NFILZ: variants seen among roughly 807,000 people sequenced by gnomAD.
NFILZ encodes NFIL3 like protein.
chr19:8,647,789 G>GCACACACACA (rs1305749598), intron 3 of NFILZ, among the ~76,000 whole-genome samples: 14 of 108,004 alleles, frequency 1.3e-4, no homozygotes, highest in African/African-American at 5.5e-4. Context: ...GCGCGCGCGC[G>GCACACACACA]CGCGCGCACA....
At chr19:8,648,000 G>A (rs1358985343) in intron 3 of NFILZ, among the ~76,000 whole-genome samples, 6 of 151,222 alleles carry the variant, frequency 4.0e-5, no homozygotes. Context: ...GTGAAACCCC[G>A]TCTCTACTAA....
In NFILZ at chr19:8,656,465, A is replaced by AAGCCCACCTTCTCCCGC. The variant is rs797037381; in HGVS notation, c.-163-18054_-163-18038dup. On this transcript the variant is annotated intron_variant, in intron 3 of 5. Coordinates refer to ENST00000691075, the MANE Select transcript of NFILZ (RefSeq NM_001378600.1). ...CTCCTCGAAGCCCACCTTCTCTCTG[A>AAGCCCACCTTCTCCCGC]AGCCCACCTTCTCCCGCAGCCCACC... Among the ~76,000 whole-genome samples the AAGCCCACCTTCTCCCGC allele has an allele frequency of 1.1e-3, 88 of 78,532 alleles. 7 individuals carry two copies. The highest frequency in any genetic ancestry group is 3.9e-3 in the African/African-American group (78 of 20,056). The allele number at this position is 78,532 out of a possible 152,430, so 51.5% of individuals were successfully genotyped here.
At chr19:8,658,839 G>A (rs1434299972) in intron 3 of NFILZ, among the ~76,000 whole-genome samples, 1 of 152,108 alleles carries the variant, frequency 6.6e-6, no homozygotes, top group African/African-American at 2.4e-5. Context: ...ATTTCCAGCT[G>A]TTCAGGAGGC....
intron 3 of NFILZ, among the ~76,000 whole-genome samples, chr19:8,646,937 A>G (rs13346435): frequency 0.017 from 2,585 of 152,236 alleles, 72 homozygotes; most frequent in African/African-American, 0.059. Context: ...AGCTGGCCCC[A>G]GTTCAAATCC....
chr19:8,641,700 T>G (rs540462467), intron 3 of NFILZ, among the ~76,000 whole-genome samples: 24 of 152,330 alleles, frequency 1.6e-4, no homozygotes, highest in East Asian at 3.9e-4. Context: ...CTGAGATGTC[T>G]TCTCTCTGTG....
intron 3 of NFILZ, among the ~76,000 whole-genome samples, chr19:8,640,758 C>T (rs1466600323): frequency 6.6e-6 from 1 of 152,146 alleles, no homozygotes; most frequent in Non-Finnish European, 1.5e-5. Context: ...ACTGCTTTCT[C>T]AGGGTGTGGA....
At chr19:8,652,987 C>CATTT (rs2042972780) in intron 3 of NFILZ, among the ~76,000 whole-genome samples, 1 of 21,386 alleles carries the variant, frequency 4.7e-5, no homozygotes. Context: ...TTCCTTCCTT[C>CATTT]CTTCCTTCCT....
intron 3 of NFILZ, among the ~76,000 whole-genome samples, chr19:8,662,202 CT>C (rs2043034762): frequency 7.4e-6 from 1 of 135,798 alleles, no homozygotes; most frequent in Non-Finnish European, 1.6e-5. Flanking sequence ...AAGACTCTGT[CT>C]TAAAAAAAAA....
At chr19:8,654,592 G>A (rs782369610) in intron 3 of NFILZ, among the ~76,000 whole-genome samples, 2 of 152,064 alleles carry the variant, frequency 1.3e-5, no homozygotes, top group Non-Finnish European at 2.9e-5. Context: ...TCCAGCCTGG[G>A]TGACAGAGAA....
At chr19:8,655,466 A>G (rs2042987902) in intron 3 of NFILZ, among the ~76,000 whole-genome samples, 1 of 152,118 alleles carries the variant, frequency 6.6e-6, no homozygotes, top group South Asian at 2.1e-4. Flanking sequence ...CCCTGGGCAG[A>G]CACCAGGTGC....
At position 8,656,313 on chromosome 19, in the gene NFILZ, CCTCCTCCCTGAAGCCCCCTTCTTCCTGA is replaced by C. The variant is rs1600147336; in HGVS notation, c.-163-18237_-163-18210del. On this transcript the variant is annotated intron_variant, in intron 3 of 5. Coordinates refer to ENST00000691075, the MANE Select transcript of NFILZ (RefSeq NM_001378600.1). ...ACAGCCCACCTCCTCCCGCAGCGCA[CCTCCTCCCTGAAGCCCCCTTCTTCCTGA>C]AGCCCACCTCTTCCCTGAAGCCCAC... Among the ~76,000 whole-genome samples, 660 of 97,716 alleles carry C rather than the reference CCTCCTCCCTGAAGCCCCCTTCTTCCTGA, an allele frequency of 6.8e-3. 57 individuals are homozygous for C. The highest frequency in any genetic ancestry group is 0.018 in the African/African-American group (606 of 33,938). The allele number at this position is 97,716 out of a possible 152,430, so 64.1% of individuals were successfully genotyped here.
At chr19:8,661,101 T>TTCC (rs1283731004) in intron 3 of NFILZ, among the ~76,000 whole-genome samples, 3 of 26,118 alleles carry the variant, frequency 1.1e-4, no homozygotes, top group Admixed American at 4.1e-4. Flanking sequence ...CCTCCCTTCC[T>TTCC]CCTTCCTTCC....
intron 3 of NFILZ, among the ~76,000 whole-genome samples, chr19:8,656,632 C>A (rs1022221735): frequency 9.2e-5 from 14 of 152,238 alleles, no homozygotes; most frequent in African/African-American, 3.4e-4. Flanking sequence ...GCCCTGCTCC[C>A]CACACAGCAC....
At chr19:8,672,445 T>G (rs1340986018) in intron 3 of NFILZ, among the ~76,000 whole-genome samples, 1 of 151,582 alleles carries the variant, frequency 6.6e-6, no homozygotes, top group African/African-American at 2.4e-5. Flanking sequence ...ATGCATTTGT[T>G]AGTTCATTCA....
rs374899386 is a variant in NFILZ, at chr19:8,633,944, T to C, written c.-261+1319T>C. Among the ~76,000 whole-genome samples, 15 of 130,154 alleles carry C rather than the reference T, an allele frequency of 1.2e-4. No homozygotes were observed. In the South Asian group the frequency reaches 3.1e-3, roughly 27 times the overall value. The allele number at this position is 130,154 out of a possible 152,430, so 85.4% of individuals were successfully genotyped here. ...CTTCCTTCCTTCCTTCCTTCCTTCC[T>C]TCCCTCCCTTCTTTCCTTCTCTCTC... On this transcript the variant is annotated intron_variant, in intron 2 of 5. Coordinates refer to ENST00000691075, the MANE Select transcript of NFILZ (RefSeq NM_001378600.1).
chr19:8,678,172 T>C lies in NFILZ; in HGVS notation c.*537T>C, dbSNP rs1251971558. 1.8e-4 allele frequency among the ~76,000 whole-genome samples: 6 copies of C among 32,874 alleles called. No homozygotes were observed. Among genetic ancestry groups the C allele is most frequent in the Non-Finnish European group, 3.2e-4 (5 of 15,754 alleles). 21.6% of individuals were successfully genotyped at this position (32,874 alleles called of 152,430 possible). A position where few individuals can be genotyped will look rare whatever the true frequency, so the allele number is the denominator to read the frequency against. ...GTCCGTCCATCCATCCATCCATCCA[T>C]CCATCCATCCATCCATCCGTCCATC... On this transcript the variant is annotated 3_prime_UTR_variant, in exon 6 of 6. Transcript: ENST00000691075.
chr19:8,652,666 G>T (rs1307000469), intron 3 of NFILZ, among the ~76,000 whole-genome samples: 1 of 151,942 alleles, frequency 6.6e-6, no homozygotes, highest in African/African-American at 2.4e-5. Flanking sequence ...CAGATATTTC[G>T]GTTTTATTAA....
At position 8,656,861 on chromosome 19, in the gene NFILZ, T is replaced by C. The variant is rs570142867; in HGVS notation, c.-163-17690T>C. Among the ~76,000 whole-genome samples the C allele has an allele frequency of 5.3e-5, 8 of 152,024 alleles. No individual in the cohort carries two copies. In the South Asian group the frequency reaches 1.0e-3, roughly 20 times the overall value. ...TCTGGCTGTTGTGTGGCTGTAGGGGTCCTTATTCTTGGGACCTGCTCCAGG... is the reference window on the plus strand; with the variant it reads ...TCTGGCTGTTGTGTGGCTGTAGGGGCCCTTATTCTTGGGACCTGCTCCAGG... On this transcript the variant is annotated intron_variant, in intron 3 of 5. Coordinates refer to ENST00000691075, the MANE Select transcript of NFILZ (RefSeq NM_001378600.1).
intron 3 of NFILZ, among the ~76,000 whole-genome samples, chr19:8,647,779 G>GCA (rs2042946284): frequency 1.3e-5 from 1 of 76,310 alleles, no homozygotes; most frequent in South Asian, 5.2e-4. Flanking sequence ...ACGCACACAT[G>GCA]CGCGCGCGCG....
Sources: gnomAD v4.1 joint callset for allele counts (sites outside exome capture counted in the v4.1 genomes callset) on GRCh38, gnomAD v4.1.1 for gene constraint, MANE v1.5 for transcripts, NCBI Gene and HGNC (gene_info 2026-07-23, HGNC 2026-07-21) for gene names.